PSG3: variants seen among roughly 807,000 people sequenced by gnomAD.
The protein encoded by PSG3 is pregnancy specific beta-1-glycoprotein 3.
A neutral mutation model predicts 47.5 loss-of-function variants in PSG3; 61 were observed. That is an observed-to-expected ratio of 1.28 (90% CI 1.05 to 1.59). The LOEUF is 1.59. Among genes scored for constraint, PSG3 ranks in the 40% most tolerant of loss-of-function variants. The pLI, the probability that PSG3 is intolerant of heterozygous loss-of-function variation, is 0.00. For missense variants in PSG3, 756 were observed against 524.0 expected, an observed-to-expected ratio of 1.44 and a Z score of -4.32; for synonymous variants, 263 against 198.4, an observed-to-expected ratio of 1.33 and a Z score of -2.74.
intron 4 of PSG3, 101 bp downstream of exon 4, chr19:42,729,677 T>C (rs575279264): frequency 3.8e-5 from 59 of 1,566,852 alleles, no homozygotes; most frequent in Non-Finnish European, 3.1e-5. Flanking sequence ...CCAGAAGTAA[T>C]GGTATCTATA....
chr19:42,723,911 G>A (rs1037867115), intron 6 of PSG3, 31 bp downstream of exon 6: 1 of 1,509,470 alleles, frequency 6.6e-7, no homozygotes, highest in East Asian at 2.3e-5. Context: ...TAGCCCTGCA[G>A]GAACCAGGAT....
rs397842870 is a variant in PSG3 at position 42,729,958 on chromosome 19, T to C, written c.808A>G (p.Thr270Ala). 8.1e-6 allele frequency: 13 copies of C among 1,612,130 alleles called. No individual in the cohort carries two copies. The highest frequency in any genetic ancestry group is 1.1e-5 in the Non-Finnish European group (13 of 1,179,862). ...FTCEPKSENY[T>A]YIWWLNGQSL... The stretch of plus-strand genomic sequence containing the variant: ...TGACCATTTAGCCACCAAATGTAGG[T>C]GTAGTTCTCACTCTTAGGTTCACAG... Residue 270 changes from threonine to alanine, a missense_variant, in exon 4 of 7, where the codon ACC becomes GCC. Coordinates refer to ENST00000327495, the MANE Select transcript of PSG3 (RefSeq NM_021016.4).
chr19:42,729,747 C>T (rs758219701), intron 4 of PSG3, 31 bp downstream of exon 4: 1 of 1,580,322 alleles, frequency 6.3e-7, no homozygotes. Flanking sequence ...AAGCTGGTGT[C>T]CTGGCCCACA....
In PSG3 at chr19:42,729,170, G is replaced by A; in HGVS notation, c.1196C>T (p.Ser399Leu). ...SGLYACSVRNSATGMESSKSM... is the reference protein window; with the variant it reads ...SGLYACSVRNLATGMESSKSM... The stretch of plus-strand genomic sequence containing the variant: ...TTTGGAGCTTTCCATGCCAGTGGCT[G>A]AGTTACGAACAGAGCAAGCATAGAG... Residue 399 changes from serine to leucine, a missense_variant, in exon 5 of 7, where the codon TCA becomes TTA. Physicochemically the swap from Ser to Leu is moderately radical, Grantham distance 145. Coordinates refer to ENST00000327495, the MANE Select transcript of PSG3 (RefSeq NM_021016.4). 6.2e-7 allele frequency: 1 copy of A among 1,614,026 alleles called. No homozygotes were observed. Among genetic ancestry groups the A allele is most frequent in the Non-Finnish European group, 8.5e-7 (1 of 1,179,876 alleles).
intron 2 of PSG3, 31 bp from the exon 3 acceptor site, chr19:42,733,093 G>A (rs1230864040): frequency 6.3e-7 from 1 of 1,599,936 alleles, no homozygotes; most frequent in South Asian, 1.1e-5. Context: ...AGATTGCCCT[G>A]TGTGGCACCT....
At chr19:42,722,557 A>G (rs1185999620) in intron 6 of PSG3, among the ~76,000 whole-genome samples, 2 of 152,178 alleles carry the variant, frequency 1.3e-5, no homozygotes, top group Non-Finnish European at 2.9e-5. Context: ...CCCAGCCTAG[A>G]ATACTCATAT....
At chr19:42,725,986 C>A (rs770956873) in intron 5 of PSG3, among the ~76,000 whole-genome samples, 30 of 151,060 alleles carry the variant, frequency 2.0e-4, no homozygotes, top group Non-Finnish European at 3.5e-4. Context: ...TAATTGTATG[C>A]CAATAAATTG....
rs778509905 is a variant in PSG3, at chr19:42,729,327, C to A, written c.1039G>T (p.Gly347Ter). The change falls in exon 5 of 7, where the codon GGA becomes TGA. Residue 347 changes from glycine to a stop codon, truncating the protein, a stop_gained. Coordinates refer to ENST00000327495, the MANE Select transcript of PSG3 (RefSeq NM_021016.4). LOFTEE classifies it high-confidence loss of function. ...IYPSFTYYHSGENLYLSCFAD... is the reference protein window; with the variant it reads ...IYPSFTYYHS The stretch of plus-strand genomic sequence containing the variant: ...AAGCAGGACAAGTAGAGGTTTTCTC[C>A]TGAATGGTAATAGGTGAATGAAGGG... 6.2e-7 allele frequency: 1 copy of A among 1,614,128 alleles called. No individual in the cohort carries two copies. Among genetic ancestry groups the A allele is most frequent in the East Asian group, 2.2e-5 (1 of 44,892 alleles).
chr19:42,727,188 C>G (rs1329780375), intron 5 of PSG3, among the ~76,000 whole-genome samples: 1 of 152,124 alleles, frequency 6.6e-6, no homozygotes, highest in African/African-American at 2.4e-5. Context: ...AGAAAAGCTT[C>G]ATGATACTGG....
intron 5 of PSG3, among the ~76,000 whole-genome samples, chr19:42,725,691 T>G (rs1355940373): frequency 1.3e-5 from 2 of 151,780 alleles, no homozygotes; most frequent in African/African-American, 4.8e-5. Context: ...AGACCCTGTC[T>G]CTACAAAAAA....
At chr19:42,726,606 A>T (rs1969381962) in intron 5 of PSG3, among the ~76,000 whole-genome samples, 1 of 152,332 alleles carries the variant, frequency 6.6e-6, no homozygotes, top group East Asian at 1.9e-4. Flanking sequence ...TTATACCTGA[A>T]ATCTACAAAA....
At chr19:42,734,653 G>C (rs974819974) in intron 2 of PSG3, among the ~76,000 whole-genome samples, 1 of 152,144 alleles carries the variant, frequency 6.6e-6, no homozygotes, top group Non-Finnish European at 1.5e-5. Context: ...AATTCCAGCA[G>C]GATCACATTA....
chr19:42,730,307 A>C (rs1335818363), intron 3 of PSG3, among the ~76,000 whole-genome samples: 1 of 152,172 alleles, frequency 6.6e-6, no homozygotes, highest in African/African-American at 2.4e-5. Flanking sequence ...GGTCATGGAC[A>C]GACACGTCAA....
intron 2 of PSG3, among the ~76,000 whole-genome samples, chr19:42,737,245 C>T (rs1253119859): frequency 1.3e-5 from 2 of 152,146 alleles, no homozygotes; most frequent in Non-Finnish European, 2.9e-5. Context: ...GGGTGTCAGC[C>T]TCTGAAGGAC....
Position 42,729,897 on chromosome 19 carries a change from A to T in PSG3, c.869T>A (p.Ile290Asn), listed in dbSNP as rs28698193. The T allele has an allele frequency of 0.083, 133,097 of 1,612,080 alleles. 7,663 individuals carry two copies. The highest frequency in any genetic ancestry group is 0.29 in the African/African-American group (21,731 of 74,832). Residue 290 changes from isoleucine to asparagine, a missense_variant, in exon 4 of 7, where the codon ATT becomes AAT. Ile to Asn is a moderately radical substitution (Grantham distance 149). Transcript: ENST00000327495. ...GGGTAGAATGAGGATCCTGTTTTCA[A>T]TGGGTCGCTTTACCCTGGGACTGAC... ...LPVSPRVKRP[I>N]ENRILILPSV... is the part of the protein sequence containing the mutation.
intron 5 of PSG3, among the ~76,000 whole-genome samples, chr19:42,728,896 G>T (rs10407819): frequency 6.6e-6 from 1 of 152,002 alleles, no homozygotes; most frequent in African/African-American, 2.4e-5. Context: ...GATAAAGCCC[G>T]CTCCGTACCT....
chr19:42,723,974 C>T lies in PSG3; in HGVS notation c.*8G>A, dbSNP rs201068330. On this transcript the variant is annotated 3_prime_UTR_variant, in exon 6 of 7. Transcript: ENST00000327495. ...TCTTCCTGAAATACAGAAATGACAT[C>T]ACGGCTGCTATAATGGATTAAGGCC... 1,178 of 1,607,310 alleles carry T rather than the reference C, an allele frequency of 7.3e-4. 3 individuals carry two copies. Among genetic ancestry groups the T allele is most frequent in the Non-Finnish European group, 8.8e-4 (1,038 of 1,173,836 alleles).
intron 6 of PSG3, 75 bp from the exon 7 acceptor site, chr19:42,722,165 A>G (rs1969309239): frequency 2.5e-6 from 1 of 403,340 alleles, no homozygotes. Flanking sequence ...GACACAGCTC[A>G]CAAAATCTAG....
At position 42,729,259 on chromosome 19, in the gene PSG3, A is replaced by T; in HGVS notation, c.1107T>A (p.Asn369Lys). The T allele has an allele frequency of 1.2e-6, 2 of 1,614,082 alleles. No homozygotes were observed. The highest frequency in any genetic ancestry group is 1.7e-6 in the Non-Finnish European group (2 of 1,179,942). ...NPPAEYSWTI[N>K]GKFQLSGQKL... is the part of the protein sequence containing the mutation. ...TTTGTCCTGATAGCTGAAACTTCCC[A>T]TTAATTGTCCAAGAATATTCTGCTG... The change falls in exon 5 of 7, where the codon AAT (asparagine) becomes AAA (lysine). Residue 369 changes from asparagine to lysine, a missense_variant. Transcript: ENST00000327495.
Sources: allele counts gnomAD v4.1 joint callset (sites outside exome capture counted in the v4.1 genomes callset), GRCh38; gene constraint gnomAD v4.1.1; transcripts MANE v1.5; gene names NCBI Gene and HGNC (gene_info 2026-07-23, HGNC 2026-07-21).